Variants in ZNF536 observed in about 807,000 individuals in gnomAD.
The protein encoded by ZNF536 is zinc finger protein 536.
Under a neutral mutation model 84.5 loss-of-function variants are expected in ZNF536, and 13 were observed. That is an observed-to-expected ratio of 0.15 (90% CI 0.10 to 0.24). ZNF536 has a LOEUF of 0.24. Ranked by LOEUF, ZNF536 falls within the 10% of genes least tolerant of loss-of-function variation. The probability of loss-of-function intolerance (pLI) is 1.00; values close to 1 mark genes in which losing one functional copy is unlikely to be tolerated. For missense variants in ZNF536, 1,536 were observed against 1,747.5 expected (o/e 0.88, Z 2.16); for synonymous variants, 811 against 742.5 (o/e 1.09, Z -1.50).
chr19:30,420,496 G>A (rs1006739323), intron 1 of ZNF536, among the ~76,000 whole-genome samples: 4 of 152,194 alleles, frequency 2.6e-5, no homozygotes, highest in Admixed American at 6.5e-5. Flanking sequence ...AAATCTCTTA[G>A]CATCATCAAA....
intron 2 of ZNF536, among the ~76,000 whole-genome samples, chr19:30,487,246 C>T (rs140883355): frequency 1.7e-4 from 26 of 152,256 alleles, no homozygotes; most frequent in African/African-American, 5.3e-4. Context: ...ATTATAACAT[C>T]GTTTAAAATG....
At position 30,659,564 on chromosome 19, in the gene ZNF536, G is replaced by T. The variant is rs189439028; in HGVS notation, c.170-51193G>T. On this transcript the variant is annotated intron_variant, in intron 1 of 1. Coordinates refer to the ZNF536 transcript ENST00000592773. ...AAAGGACTCACAGTTCCACATGGCTGGGGAGGCCTCACAAACATGGTGGAA... is the reference window on the plus strand; with the variant it reads ...AAAGGACTCACAGTTCCACATGGCTTGGGAGGCCTCACAAACATGGTGGAA... Among the ~76,000 whole-genome samples, 21 of 152,294 alleles carry T rather than the reference G, an allele frequency of 1.4e-4. No homozygotes were observed. The East Asian group carries it at 4.1e-3, about 29-fold the overall frequency.
intron 2 of ZNF536, among the ~76,000 whole-genome samples, chr19:30,527,620 T>C (rs2044641256): frequency 6.6e-6 from 1 of 151,964 alleles, no homozygotes; most frequent in African/African-American, 2.4e-5. Flanking sequence ...AAGTTGATAC[T>C]GACCCGAGGC....
intron 2 of ZNF536, among the ~76,000 whole-genome samples, chr19:30,452,769 G>T (rs1239211445): frequency 6.6e-6 from 1 of 152,044 alleles, no homozygotes; most frequent in Non-Finnish European, 1.5e-5. Context: ...GTGATGATTG[G>T]ACTGGAACCT....
At chr19:30,269,567 A>G (rs2025707957) in intron 1 of ZNF536, among the ~76,000 whole-genome samples, 1 of 152,202 alleles carries the variant, frequency 6.6e-6, no homozygotes, top group South Asian at 2.1e-4. Context: ...GCAGTAAGTC[A>G]GGTGGATTAT....
At chr19:30,670,351 T>C (rs911717456) in intron 1 of ZNF536, among the ~76,000 whole-genome samples, 1 of 152,232 alleles carries the variant, frequency 6.6e-6, no homozygotes, top group African/African-American at 2.4e-5. Flanking sequence ...CTTGGAAAAC[T>C]GTGGCATTCA....
chr19:30,605,722 C>T (rs541492533), intron 1 of ZNF536, among the ~76,000 whole-genome samples: 33 of 152,156 alleles, frequency 2.2e-4, no homozygotes, highest in East Asian at 9.7e-4. Flanking sequence ...ATTCCTGGAT[C>T]GAATGGTGGA....
chr19:30,471,990 C>G (rs911432141), intron 2 of ZNF536, among the ~76,000 whole-genome samples: 1 of 152,116 alleles, frequency 6.6e-6, no homozygotes, highest in Non-Finnish European at 1.5e-5. Context: ...CGAGGAGCTC[C>G]ATTAGAGGGG....
chr19:30,443,713 C>T lies in ZNF536; in HGVS notation c.151C>T (p.His51Tyr), dbSNP rs1346276170. ...GCTCAGCCATGCCTTCCCCGAGCTC[C>T]ATCCCCGGCCCAACCCCGAGGAGAA... ...SQLSHAFPEL[H>Y]PRPNPEEKPP... is the part of the protein sequence containing the mutation. The change falls in exon 2 of 5, where the codon CAT (histidine) becomes TAT (tyrosine). Residue 51 changes from histidine to tyrosine, a missense_variant. Transcript: ENST00000355537. 1 of 1,613,552 alleles carries T rather than the reference C, an allele frequency of 6.2e-7. No homozygotes were observed. The highest frequency in any genetic ancestry group is 8.5e-7 in the Non-Finnish European group (1 of 1,179,898).
exon 2 of ZNF536, chr19:30,712,461 G>A (rs959078410): frequency 6.6e-6 from 1 of 150,742 alleles, no homozygotes; most frequent in African/African-American, 2.4e-5. Flanking sequence ...TTTCCTTGCA[G>A]GCTGGGAGCA....
intron 1 of ZNF536, among the ~76,000 whole-genome samples, chr19:30,570,261 T>C (rs1294126865): frequency 6.6e-6 from 1 of 152,122 alleles, no homozygotes; most frequent in Non-Finnish European, 1.5e-5. Context: ...CTCCACATCC[T>C]GTCACCTTCA....
rs887812572 is a variant in ZNF536 at position 30,621,498 on chromosome 19, A to C, written c.169+71984A>C. Among the ~76,000 whole-genome samples, 12 of 152,190 alleles carry C rather than the reference A, an allele frequency of 7.9e-5. 1 individual carries two copies. The highest frequency in any genetic ancestry group is 6.5e-5 in the Admixed American group (1 of 15,278). ...TTTTTTCTCTCCAGACTCATCAAAC[A>C]GTCCATATTAGATGAAATCTGAGCC... On this transcript the variant is annotated intron_variant, in intron 1 of 1. Coordinates refer to the ZNF536 transcript ENST00000592773.
intron 1 of ZNF536, among the ~76,000 whole-genome samples, chr19:30,692,328 T>C (rs1044932434): frequency 1.3e-5 from 2 of 152,142 alleles, no homozygotes; most frequent in Non-Finnish European, 1.5e-5. Flanking sequence ...ATTAATCAAA[T>C]TTTTTTCCCC....
At chr19:30,438,376 A>G (rs1200083459) in intron 1 of ZNF536, among the ~76,000 whole-genome samples, 1 of 152,206 alleles carries the variant, frequency 6.6e-6, no homozygotes, top group African/African-American at 2.4e-5. Flanking sequence ...ATAAAAAAAA[A>G]TCCTAGAAAC....
intron 2 of ZNF536, among the ~76,000 whole-genome samples, chr19:30,506,983 A>G (rs2055199586): frequency 1.3e-5 from 2 of 152,190 alleles, no homozygotes; most frequent in African/African-American, 4.8e-5. Context: ...TCATTTTCAC[A>G]AAAAGGGGGA....
At chr19:30,657,550 C>T (rs74378205) in intron 1 of ZNF536, among the ~76,000 whole-genome samples, 2 of 152,230 alleles carry the variant, frequency 1.3e-5, no homozygotes, top group South Asian at 2.1e-4. Context: ...TCTTCTGGCC[C>T]TCCTTGGGGC....
intron 2 of ZNF536, among the ~76,000 whole-genome samples, chr19:30,309,402 G>A (rs2046432436): frequency 6.6e-6 from 1 of 152,202 alleles, no homozygotes; most frequent in African/African-American, 2.4e-5. Context: ...TGTGCTGTCT[G>A]GTTATTGGAC....
intron 2 of ZNF536, among the ~76,000 whole-genome samples, chr19:30,493,068 T>A (rs2054569597): frequency 6.6e-6 from 1 of 150,416 alleles, no homozygotes; most frequent in South Asian, 2.1e-4. Context: ...TCCTTAAATA[T>A]CTCTCTTGCA....
At chr19:30,279,830 C>T (rs543288543) in intron 1 of ZNF536, among the ~76,000 whole-genome samples, 39 of 152,296 alleles carry the variant, frequency 2.6e-4, no homozygotes, top group African/African-American at 7.0e-4. Context: ...TGTCCTTCCC[C>T]GGGCAGAGGG....
Sources: gnomAD v4.1 joint callset for allele counts (sites outside exome capture counted in the v4.1 genomes callset) on GRCh38, gnomAD v4.1.1 for gene constraint, MANE v1.5 for transcripts, NCBI Gene and HGNC (gene_info 2026-07-23, HGNC 2026-07-21) for gene names.